Variants in DNAH7 observed in about 807,000 individuals in gnomAD.
The protein encoded by DNAH7 is axonemal beta dynein heavy chain 7.
A neutral mutation model predicts 444.6 loss-of-function variants in DNAH7; 397 were observed. The ratio of observed to expected loss-of-function variants is 0.89; its 90% CI spans 0.82 to 0.97. The LOEUF is 0.97. Among genes scored for constraint, DNAH7 ranks in the 50% least tolerant of loss-of-function variants. The pLI is 0.00. For synonymous variants in DNAH7, 1,636 were observed against 1,624.4 expected (o/e 1.01, Z -0.17); for missense variants, 4,902 against 4,800.8 (o/e 1.02, Z -0.62).
chr2:195,940,637 G>C (rs1689361730), intron 19 of DNAH7, among the ~76,000 whole-genome samples: 1 of 151,702 alleles, frequency 6.6e-6, no homozygotes, highest in Non-Finnish European at 1.5e-5. Context: ...ATCTGACAAA[G>C]GGCTAATATC....
At chr2:195,844,764 A>G (rs1332096938) in intron 47 of DNAH7, among the ~76,000 whole-genome samples, 1 of 152,158 alleles carries the variant, frequency 6.6e-6, no homozygotes, top group Non-Finnish European at 1.5e-5. Flanking sequence ...TATTTGCTAA[A>G]AATTAATTTA....
rs1458931094 is a variant in DNAH7, at chr2:195,888,308, A to G, written c.5356T>C (p.Phe1786Leu). ...ACCGAAACAGGGACCATTCTGTCAA[A>G]TAAGCCCATTATGAATTCCTTTTGA... Reference protein sequence around the residue: ...VIQKEFIMGLFDRMVPVSVEF... With the variant: ...VIQKEFIMGLLDRMVPVSVEF... The change falls in exon 33 of 65, where the codon TTT becomes CTT. Residue 1786 changes from phenylalanine to leucine, a missense_variant. Transcript: ENST00000312428. 1.9e-6 allele frequency: 3 copies of G among 1,611,668 alleles called. No homozygotes were observed. The highest frequency in any genetic ancestry group is 1.7e-5 in the Admixed American group (1 of 59,502).
At chr2:195,988,478 G>A (rs915269874) in intron 12 of DNAH7, among the ~76,000 whole-genome samples, 13 of 151,822 alleles carry the variant, frequency 8.6e-5, no homozygotes, top group Non-Finnish European at 1.6e-4. Context: ...ATGGATGAAA[G>A]AACAGTCAAT....
intron 47 of DNAH7, among the ~76,000 whole-genome samples, chr2:195,843,864 A>C (rs1698826248): frequency 6.6e-6 from 1 of 152,210 alleles, no homozygotes; most frequent in Non-Finnish European, 1.5e-5. Context: ...TGGGAGGCTG[A>C]GGCGGGCACA....
At chr2:195,745,199 G>C (rs1282772645) in intron 63 of DNAH7, among the ~76,000 whole-genome samples, 1 of 152,166 alleles carries the variant, frequency 6.6e-6, no homozygotes, top group Non-Finnish European at 1.5e-5. Context: ...CAAGAACTAC[G>C]TGAAGAATGC....
intron 62 of DNAH7, among the ~76,000 whole-genome samples, chr2:195,754,815 C>A (rs551350928): frequency 2.3e-4 from 35 of 152,232 alleles, no homozygotes; most frequent in African/African-American, 7.7e-4. Flanking sequence ...ACCTAGGGAG[C>A]CTTTCAACTT....
chr2:195,833,676 CATGTTTATA>C (rs1454707487), intron 48 of DNAH7, among the ~76,000 whole-genome samples: 1 of 150,870 alleles, frequency 6.6e-6, no homozygotes, highest in African/African-American at 2.4e-5. Flanking sequence ...AAATCTTTGT[CATGTTTATA>C]ATCTCTTTAT....
Position 195,794,366 on chromosome 2 carries a change from G to A in DNAH7, c.10688C>T (p.Pro3563Leu), listed in dbSNP as rs747008653. 2.9e-5 allele frequency: 46 copies of A among 1,613,974 alleles called. No homozygotes were observed. The highest frequency in any genetic ancestry group is 3.6e-5 in the Non-Finnish European group (43 of 1,180,010). Residue 3563 changes from proline to leucine, a missense_variant, in exon 57 of 65, where the codon CCG (proline) becomes CTG (leucine). Transcript: ENST00000312428. ...CTTTTTGCAGCTGCCAAAGAACTCC[G>A]GATCAGAGATCGGGTCCATGAGGTA... ...RSYLMDPISD[P>L]EFFGSCKKPE...
chr2:195,950,864 A>C (rs1355406374), intron 19 of DNAH7, among the ~76,000 whole-genome samples: 8 of 148,256 alleles, frequency 5.4e-5, no homozygotes, highest in African/African-American at 2.0e-4. Flanking sequence ...AAAAAAAAAA[A>C]AAAAAAAAAA....
At chr2:195,887,715 G>T (rs1293745521) in intron 33 of DNAH7, among the ~76,000 whole-genome samples, 1 of 152,122 alleles carries the variant, frequency 6.6e-6, no homozygotes, top group African/African-American at 2.4e-5. Flanking sequence ...AAACATTCTT[G>T]CTCTGTAATT....
At chr2:196,018,728 A>G (rs961061868) in intron 9 of DNAH7, among the ~76,000 whole-genome samples, 2 of 152,180 alleles carry the variant, frequency 1.3e-5, no homozygotes, top group African/African-American at 4.8e-5. Flanking sequence ...ATAGTTAGAC[A>G]GAATGAATGA....
At chr2:195,868,884 T>C (rs932031050) in intron 40 of DNAH7, among the ~76,000 whole-genome samples, 7 of 149,150 alleles carry the variant, frequency 4.7e-5, no homozygotes, top group Non-Finnish European at 8.9e-5. Flanking sequence ...TTATCTAGTA[T>C]GATAATGATG....
At chr2:196,033,116 C>A (rs1029673160) in intron 5 of DNAH7, among the ~76,000 whole-genome samples, 1 of 151,766 alleles carries the variant, frequency 6.6e-6, no homozygotes, top group African/African-American at 2.4e-5. Flanking sequence ...TATCTATTTC[C>A]TTTACATATT....
At chr2:195,973,532 C>A (rs1486595948) in intron 15 of DNAH7, among the ~76,000 whole-genome samples, 5 of 152,102 alleles carry the variant, frequency 3.3e-5, no homozygotes, top group Admixed American at 3.3e-4. Flanking sequence ...AGTACAGTGG[C>A]ACAATCTCGG....
In DNAH7 at chr2:195,922,135, A is replaced by G; in HGVS notation, c.3888T>C (p.Gly1296=). 1 of 1,613,402 alleles carries G rather than the reference A, an allele frequency of 6.2e-7. No individual in the cohort carries two copies. The highest frequency in any genetic ancestry group is 1.1e-5 in the South Asian group (1 of 91,062). ...GTGTAATAACCAGCCTAGGGGAATTACCCAGATATTCATATCCATATCGCA... is the reference window on the plus strand; with the variant it reads ...GTGTAATAACCAGCCTAGGGGAATTGCCCAGATATTCATATCCATATCGCA... The part of the protein sequence containing the change: ...AGLRYGYEYL[G]NSPRLVITPL... Residue 1296 remains glycine, a synonymous_variant, in exon 24 of 65, where the codon GGT becomes GGC. Coordinates refer to ENST00000312428, the MANE Select transcript of DNAH7 (RefSeq NM_018897.3).
chr2:195,895,372 G>A (rs16841692), intron 29 of DNAH7, 148 bp from the exon 30 acceptor site: 39,502 of 509,826 alleles, frequency 0.077, 1,887 homozygotes, highest in African/African-American at 0.14. Context: ...ATACGCAAAC[G>A]TGTATTTTTT....
intron 20 of DNAH7, 100 bp from the exon 21 acceptor site, chr2:195,934,889 G>C: frequency 7.7e-7 from 1 of 1,302,090 alleles, no homozygotes; most frequent in East Asian, 2.5e-5. Context: ...GGTGCTGCTG[G>C]GAATGAAATG....
chr2:196,028,170 A>G lies in DNAH7; in HGVS notation c.399-123T>C, dbSNP rs370342687. ...CATAAGGAAAAATGAATTGTTGAAC[A>G]TTTTACAAACAGCATACACATTTGT... On this transcript the variant is annotated intron_variant, in intron 5 of 64. Coordinates refer to ENST00000312428, the MANE Select transcript of DNAH7 (RefSeq NM_018897.3). 531 of 758,704 alleles carry G rather than the reference A, an allele frequency of 7.0e-4. 7 individuals carry two copies. The South Asian group carries it at 0.01, about 14-fold the overall frequency. The allele number at this position is 758,704 out of a possible 1,614,324, so 47.0% of individuals were successfully genotyped here.
intron 58 of DNAH7, among the ~76,000 whole-genome samples, chr2:195,780,275 A>G (rs910864945): frequency 1.1e-4 from 16 of 152,086 alleles, no homozygotes; most frequent in Admixed American, 6.5e-4. Context: ...CTTATTTTAT[A>G]AATTATTCAC....
Sources: gnomAD v4.1 joint callset for allele counts (sites outside exome capture counted in the v4.1 genomes callset) on GRCh38, gnomAD v4.1.1 for gene constraint, MANE v1.5 for transcripts, NCBI Gene and HGNC (gene_info 2026-07-23, HGNC 2026-07-21) for gene names.